Variants in MACF1 observed in about 807,000 individuals in gnomAD.
MACF1 encodes the protein microtubule-actin cross-linking factor 1.
Under a neutral mutation model 854.8 loss-of-function variants are expected in MACF1, and 193 were observed. The observed-to-expected ratio is 0.23, with a 90% CI of 0.20 to 0.25. The LOEUF is 0.25. Ranked by LOEUF, MACF1 falls within the 10% of genes least tolerant of loss-of-function variation. The pLI is 1.00. For synonymous variants in MACF1, 3,185 were observed against 3,226.7 expected (o/e 0.99, Z 0.44); for missense variants, 7,722 against 8,929.1 (o/e 0.86, Z 5.45).
At chr1:39,225,264 C>T (rs908929595) in intron 1 of MACF1, among the ~76,000 whole-genome samples, 2 of 141,070 alleles carry the variant, frequency 1.4e-5, no homozygotes, top group East Asian at 2.1e-4. Flanking sequence ...GGCCGGACTG[C>T]GGACTGCAGT....
chr1:39,464,046 G>C (rs1644611099), intron 94 of MACF1: 1 of 212,556 alleles, frequency 4.7e-6, no homozygotes, highest in Non-Finnish European at 9.8e-6. Flanking sequence ...TGGCTCCCAG[G>C]CTAGAGAGGC....
Position 39,309,673 on chromosome 1 carries a change from G to T in MACF1, c.2893G>T (p.Val965Leu), listed in dbSNP as rs745994357. ...WNYLRKDLDL[V>L]QTWNLEKLRS... ...CTATCTGCGTAAAGACCTTGACCTT[G>T]TACAGACCTGGAACCTAGAAAAGGT... Residue 965 changes from valine to leucine, a missense_variant, in exon 24 of 101, where the codon GTA becomes TTA. Val to Leu is a conservative substitution (Grantham distance 32). Around this residue, in one of 15 missense-constraint regions of MACF1, gnomAD observed 1,137 missense variants for 1,263.0 expected, o/e 0.90. Coordinates refer to ENST00000564288, the MANE Select transcript of MACF1 (RefSeq NM_001394062.1). The T allele has an allele frequency of 6.2e-7, 1 of 1,613,992 alleles. No individual in the cohort carries two copies. The highest frequency in any genetic ancestry group is 1.7e-4 in the Middle Eastern group (1 of 6,060).
At chr1:39,419,807 G>A (rs1485536826) in intron 58 of MACF1, among the ~76,000 whole-genome samples, 2 of 141,594 alleles carry the variant, frequency 1.4e-5, no homozygotes, top group Admixed American at 1.4e-4. Flanking sequence ...TAGTGTGTGT[G>A]TGTGTGTGTG....
chr1:39,137,172 A>C (rs1348581598), intron 2 of MACF1, among the ~76,000 whole-genome samples: 2 of 152,126 alleles, frequency 1.3e-5, no homozygotes, highest in Non-Finnish European at 2.9e-5. Flanking sequence ...CAGGTTCAAG[A>C]GATTCTCATG....
chr1:39,233,815 A>T (rs879632217), intron 2 of MACF1, among the ~76,000 whole-genome samples: 1,826 of 50,134 alleles, frequency 0.036, 67 homozygotes, highest in Non-Finnish European at 0.064. Context: ...TTTTATTGAT[A>T]ATTCTTGGGT....
At chr1:39,244,518 T>C (rs868576332) in intron 2 of MACF1, among the ~76,000 whole-genome samples, 22 of 151,976 alleles carry the variant, frequency 1.4e-4, no homozygotes, top group Middle Eastern at 3.4e-3. Context: ...CCTGACCTCA[T>C]GATCCACCCG....
chr1:39,465,897 A>G (rs1368278585), intron 95 of MACF1, among the ~76,000 whole-genome samples: 1 of 152,238 alleles, frequency 6.6e-6, no homozygotes, highest in Non-Finnish European at 1.5e-5. Flanking sequence ...ATAAGAGAAA[A>G]AAACTAAAGA....
intron 1 of MACF1, among the ~76,000 whole-genome samples, chr1:39,220,173 A>G (rs1351423934): frequency 6.6e-6 from 1 of 151,962 alleles, no homozygotes; most frequent in Admixed American, 6.6e-5. Context: ...TGGATATTTA[A>G]TGAAAAAAAA....
chr1:39,477,812 C>T (rs183349151), intron 97 of MACF1, among the ~76,000 whole-genome samples: 1 of 152,208 alleles, frequency 6.6e-6, no homozygotes, highest in Non-Finnish European at 1.5e-5. Flanking sequence ...ATGCTAATTA[C>T]AGTCAGCTGC....
intron 2 of MACF1, among the ~76,000 whole-genome samples, chr1:39,244,493 G>A (rs916374535): frequency 6.6e-6 from 1 of 151,954 alleles, no homozygotes; most frequent in Admixed American, 6.6e-5. Flanking sequence ...ATGTTGGCCA[G>A]GCTGATCTCG....
intron 58 of MACF1, among the ~76,000 whole-genome samples, chr1:39,403,394 T>C (rs1462044008): frequency 2.0e-5 from 3 of 152,154 alleles, no homozygotes; most frequent in Admixed American, 6.5e-5. Flanking sequence ...CCACCACGCC[T>C]GGCCCAAATC....
chr1:39,485,464 C>G (rs1386266967), intron 100 of MACF1, 74 bp from the exon 101 acceptor site: 7 of 1,459,626 alleles, frequency 4.8e-6, no homozygotes, highest in Non-Finnish European at 6.4e-6. Flanking sequence ...GGATCAGAAC[C>G]CTAGCTTCTG....
intron 36 of MACF1, among the ~76,000 whole-genome samples, chr1:39,327,954 CG>C (rs2148463085): frequency 6.6e-6 from 1 of 152,174 alleles, no homozygotes; most frequent in Non-Finnish European, 1.5e-5. Context: ...GATACTTGTG[CG>C]TGTGTGTACA....
intron 2 of MACF1, among the ~76,000 whole-genome samples, chr1:39,097,079 G>T (rs188481521): frequency 6.6e-6 from 1 of 152,058 alleles, no homozygotes; most frequent in East Asian, 1.9e-4. Context: ...GTTTCACCAT[G>T]TTGGCCAGGC....
rs779141040 is a variant in MACF1 at position 39,309,656 on chromosome 1, G to A, written c.2876G>A (p.Arg959His). ...TKSLISWNYL[R>H]KDLDLVQTWN... is the part of the protein sequence containing the mutation. ...AGCCTTATCTCTTGGAACTATCTGC[G>A]TAAAGACCTTGACCTTGTACAGACC... Residue 959 changes from arginine to histidine, a missense_variant, in exon 24 of 101, where the codon CGT becomes CAT. Physicochemically the swap from Arg to His is conservative, Grantham distance 29 (BLOSUM62 0). Around this residue, in one of 15 missense-constraint regions of MACF1, gnomAD observed 1,137 missense variants for 1,263.0 expected, o/e 0.90. Transcript: ENST00000564288. 2.6e-5 allele frequency: 42 copies of A among 1,613,966 alleles called. No homozygotes were observed. Among genetic ancestry groups the A allele is most frequent in the South Asian group, 5.5e-5 (5 of 91,088 alleles).
chr1:39,171,641 T>C (rs997919804), intron 2 of MACF1, among the ~76,000 whole-genome samples: 2 of 152,234 alleles, frequency 1.3e-5, no homozygotes, highest in African/African-American at 4.8e-5. Flanking sequence ...TAATTTTCTT[T>C]TTTGGACACA....
intron 24 of MACF1, 77 bp from the exon 25 acceptor site, chr1:39,310,168 A>T: frequency 8.6e-7 from 1 of 1,159,518 alleles, no homozygotes; most frequent in Non-Finnish European, 1.2e-6. Context: ...TATATATGTT[A>T]CTTCAGTAAA....
rs561899009 is a variant in MACF1, at chr1:39,120,142, C to T, written c.220+35704C>T. ...CAGGTGATCCACCTGTCTTGGCCTC[C>T]GAAAGTGCTGGGATTACAGGCGTGA... On this transcript the variant is annotated intron_variant, in intron 2 of 93. Transcript: ENST00000361689. Among the ~76,000 whole-genome samples, 71 of 151,992 alleles carry T rather than the reference C, an allele frequency of 4.7e-4. 3 individuals carry two copies. The highest frequency in any genetic ancestry group is 4.3e-3 in the Admixed American group (65 of 15,264).
intron 66 of MACF1, among the ~76,000 whole-genome samples, chr1:39,431,792 A>G (rs946439865): frequency 0.011 from 2 of 176 alleles, no homozygotes; most frequent in Non-Finnish European, 0.019. Context: ...TGGGCAACAT[A>G]ACAAGACACA....
Sources: allele counts gnomAD v4.1 joint callset (sites outside exome capture counted in the v4.1 genomes callset), GRCh38; gene constraint gnomAD v4.1.1; regional missense constraint gnomAD v4.1.1; transcripts MANE v1.5; gene names NCBI Gene and HGNC (gene_info 2026-07-23, HGNC 2026-07-21).